LRRC37A2: variants seen among roughly 807,000 people sequenced by gnomAD.
LRRC37A2 encodes the protein leucine rich repeat containing 37 member A2.
In LRRC37A2, 9 loss-of-function variants were observed where a neutral mutation model predicts 68.8. That is an observed-to-expected ratio of 0.13 (90% confidence interval 0.08 to 0.23). The LOEUF (loss-of-function observed/expected upper bound fraction) is 0.23. Ranked by LOEUF, LRRC37A2 falls within the 10% of genes least tolerant of loss-of-function variation. The pLI, the probability that LRRC37A2 is intolerant of heterozygous loss-of-function variation, is 1.00. For missense variants in LRRC37A2, 168 were observed against 950.4 expected (o/e 0.18, Z 10.82); for synonymous variants, 63 against 367.6 (o/e 0.17, Z 9.48).
At chr17:46,539,560 C>G (rs1334747063) in intron 6 of LRRC37A2, among the ~76,000 whole-genome samples, 27 of 149,148 alleles carry the variant, frequency 1.8e-4, no homozygotes, top group African/African-American at 5.5e-4. Context: ...GTCAAGAGTT[C>G]AAAACCAGCC....
chr17:46,496,763 A>G, the LRRC37A2 span, among the ~76,000 whole-genome samples: 36 of 131,392 alleles, frequency 2.7e-4, no homozygotes, highest in Admixed American at 2.7e-3. Context: ...AAAAATACAA[A>G]AATTAGCCAG....
At chr17:46,967,162 A>C in the LRRC37A2 span, among the ~76,000 whole-genome samples, 4 of 152,236 alleles carry the variant, frequency 2.6e-5, no homozygotes, top group African/African-American at 9.6e-5. Context: ...AACAGGATGC[A>C]GAGCGAGGCA....
chr17:47,004,165 G>A, the LRRC37A2 span, among the ~76,000 whole-genome samples: 1 of 152,142 alleles, frequency 6.6e-6, no homozygotes, highest in Non-Finnish European at 1.5e-5. Context: ...ATTGTGAATA[G>A]TGCCACAATA....
the LRRC37A2 span, among the ~76,000 whole-genome samples, chr17:46,970,017 A>G: frequency 6.6e-6 from 1 of 152,190 alleles, no homozygotes; most frequent in Non-Finnish European, 1.5e-5. Flanking sequence ...CTAGCTGACT[A>G]CAGCTAACCT....
the LRRC37A2 span, chr17:46,876,649 G>A: frequency 2.5e-6 from 4 of 1,607,470 alleles, no homozygotes; most frequent in South Asian, 4.4e-5. Context: ...ACTGCCAGGT[G>A]CAGTGGTGCT....
the LRRC37A2 span, among the ~76,000 whole-genome samples, chr17:46,752,346 A>G: frequency 6.6e-6 from 1 of 152,196 alleles, no homozygotes; most frequent in African/African-American, 2.4e-5. Flanking sequence ...GGTAGCTGAT[A>G]AATACCTCCC....
the LRRC37A2 span, chr17:46,764,039 C>CT: frequency 1.3e-5 from 2 of 152,210 alleles, no homozygotes; most frequent in East Asian, 1.9e-4. Context: ...AAATCCTACT[C>CT]TAACAACTGC....
the LRRC37A2 span, among the ~76,000 whole-genome samples, chr17:46,893,959 G>T: frequency 6.6e-6 from 1 of 152,172 alleles, no homozygotes; most frequent in Admixed American, 6.5e-5. Flanking sequence ...GCACGGCAGG[G>T]TTAGCACAGC....
At chr17:46,833,632 G>A in the LRRC37A2 span, among the ~76,000 whole-genome samples, 3 of 152,164 alleles carry the variant, frequency 2.0e-5, no homozygotes, top group Admixed American at 1.3e-4. Flanking sequence ...GAGGGTGTGT[G>A]TGAGTCAGTT....
At chr17:46,955,916 A>G in the LRRC37A2 span, among the ~76,000 whole-genome samples, 2 of 152,174 alleles carry the variant, frequency 1.3e-5, no homozygotes, top group Admixed American at 1.3e-4. Context: ...CCATCAGACT[A>G]GCAACTTCCT....
At chr17:46,863,879 A>G in the LRRC37A2 span, among the ~76,000 whole-genome samples, 1 of 152,114 alleles carries the variant, frequency 6.6e-6, no homozygotes, top group Non-Finnish European at 1.5e-5. Context: ...GGTGTCCTGG[A>G]CTACTCTGGG....
the LRRC37A2 span, among the ~76,000 whole-genome samples, chr17:46,898,134 C>G: frequency 6.6e-6 from 1 of 152,292 alleles, no homozygotes; most frequent in South Asian, 2.1e-4. Context: ...CCCTCCATCC[C>G]ATTCACCCAA....
At chr17:46,503,074 T>G in the LRRC37A2 span, among the ~76,000 whole-genome samples, 1 of 150,426 alleles carries the variant, frequency 6.6e-6, no homozygotes, top group African/African-American at 2.5e-5. Flanking sequence ...TAGCCGGCAG[T>G]GGTGGGGGGC....
chr17:46,898,854 C>T, the LRRC37A2 span, among the ~76,000 whole-genome samples: 1 of 152,172 alleles, frequency 6.6e-6, no homozygotes, highest in Non-Finnish European at 1.5e-5. Flanking sequence ...AACGGTCTGG[C>T]AGTTCCTCAA....
chr17:46,876,567 A>G, the LRRC37A2 span: 11 of 1,613,606 alleles, frequency 6.8e-6, no homozygotes, highest in East Asian at 2.5e-4. Flanking sequence ...TGCTCCCGGG[A>G]GGCCAGCTGC....
the LRRC37A2 span, among the ~76,000 whole-genome samples, chr17:47,048,048 T>A: frequency 1.2e-4 from 1 of 8,560 alleles, no homozygotes; most frequent in African/African-American, 2.1e-4. Flanking sequence ...TTTTCAAAAC[T>A]TTTTTTTTTT....
At chr17:46,909,476 G>A in the LRRC37A2 span, among the ~76,000 whole-genome samples, 2 of 152,190 alleles carry the variant, frequency 1.3e-5, no homozygotes, top group East Asian at 3.8e-4. Flanking sequence ...AAACATAAAT[G>A]TAAGCATATT....
chr17:46,770,160 A>C, the LRRC37A2 span: 1 of 1,383,776 alleles, frequency 7.2e-7, no homozygotes, highest in Non-Finnish European at 9.6e-7. Flanking sequence ...AGAGTTGAAG[A>C]GCTCACCAGC....
Position 46,516,302 on chromosome 17 carries a change from CAA to C in LRRC37A2, c.2609+991_2609+992del, listed in dbSNP as rs1159712527. 3.2e-5 allele frequency among the ~76,000 whole-genome samples: 2 copies of C among 63,174 alleles called. 1 individual carries two copies. The highest frequency in any genetic ancestry group is 8.0e-5 in the Non-Finnish European group (2 of 25,116). 41.4% of individuals were successfully genotyped at this position (63,174 alleles called of 152,430 possible). On this transcript the variant is annotated intron_variant, in intron 2 of 14. Transcript: ENST00000576629. The stretch of plus-strand genomic sequence containing the variant: ...TGGGCGACAGAGCAAGACTCCATCT[CAA>C]AAAAAAAAATGATAGGAGGGAAGAA...
Sources: allele counts gnomAD v4.1 joint callset (sites outside exome capture counted in the v4.1 genomes callset), GRCh38; gene constraint gnomAD v4.1.1; transcripts MANE v1.5; gene names NCBI Gene and HGNC (gene_info 2026-07-23, HGNC 2026-07-21).